Variants in WDR49 observed in about 807,000 individuals in gnomAD.
The protein encoded by WDR49 is WD repeat domain 49, also known as cilia- and flagella-associated protein 337.
A neutral mutation model predicts 119.5 loss-of-function variants in WDR49; 107 were observed. The observed-to-expected ratio is 0.90, with a 90% CI of 0.77 to 1.05. The LOEUF (loss-of-function observed/expected upper bound fraction) is 1.05. WDR49 is among the 50% of genes least tolerant of loss of function. The pLI is 0.00. For synonymous variants in WDR49, 425 were observed against 418.8 expected, an observed-to-expected ratio of 1.01 and a Z score of -0.18; for missense variants, 1,240 against 1,220.5, an observed-to-expected ratio of 1.02 and a Z score of -0.24.
intron 6 of WDR49, among the ~76,000 whole-genome samples, chr3:167,604,013 C>T (rs1302662562): frequency 6.6e-6 from 1 of 151,828 alleles, no homozygotes; most frequent in African/African-American, 2.4e-5. Context: ...AGATGCTGCA[C>T]AAACTGTCTT....
At chr3:167,538,641 A>T (rs1711611687) in intron 10 of WDR49, among the ~76,000 whole-genome samples, 1 of 152,076 alleles carries the variant, frequency 6.6e-6, no homozygotes, top group African/African-American at 2.4e-5. Context: ...TGTGGAAGTC[A>T]CTTTGTTCAT....
intron 17 of WDR49, among the ~76,000 whole-genome samples, chr3:167,505,045 CA>C (rs1359581980): frequency 1.3e-5 from 2 of 152,192 alleles, no homozygotes; most frequent in African/African-American, 4.8e-5. Flanking sequence ...CAGTTTCTGG[CA>C]TTTTTTTATA....
chr3:167,561,271 G>A (rs769256765), intron 8 of WDR49, among the ~76,000 whole-genome samples: 4 of 151,954 alleles, frequency 2.6e-5, no homozygotes, highest in Admixed American at 2.6e-4. Context: ...GCTCCATAAC[G>A]GCAATGGAAC....
At chr3:167,602,070 T>G in intron 7 of WDR49, 57 bp downstream of exon 7, 8 of 1,507,156 alleles carry the variant, frequency 5.3e-6, no homozygotes, top group East Asian at 2.3e-5. Context: ...CCAGAGTTGA[T>G]TTGGGTAGGA....
chr3:167,605,793 A>G (rs908245113), intron 5 of WDR49, among the ~76,000 whole-genome samples: 1 of 152,236 alleles, frequency 6.6e-6, no homozygotes, highest in Non-Finnish European at 1.5e-5. Context: ...TCTCATAGGT[A>G]AAGAAATAGG....
intron 18 of WDR49, among the ~76,000 whole-genome samples, chr3:167,493,352 AG>A (rs1751225878): frequency 6.6e-6 from 1 of 152,192 alleles, no homozygotes; most frequent in Non-Finnish European, 1.5e-5. Context: ...GGCAAGCAAG[AG>A]GCCAACTGTG....
intron 18 of WDR49, among the ~76,000 whole-genome samples, chr3:167,487,226 G>A (rs147161711): frequency 4.8e-4 from 73 of 151,924 alleles, no homozygotes; most frequent in African/African-American, 1.6e-3. Flanking sequence ...ATAAAGCTGT[G>A]TACCTACAAC....
intron 3 of WDR49, among the ~76,000 whole-genome samples, chr3:167,624,053 A>G (rs560681695): frequency 3.3e-5 from 5 of 151,982 alleles, no homozygotes; most frequent in Non-Finnish European, 5.9e-5. Context: ...TAACAATCCT[A>G]ATAAAAAATG....
intron 2 of WDR49, among the ~76,000 whole-genome samples, chr3:167,635,720 A>G (rs568723063): frequency 6.6e-6 from 1 of 151,740 alleles, no homozygotes; most frequent in East Asian, 1.9e-4. Flanking sequence ...CCCTTAAGTC[A>G]TTGGTGAGTA....
chr3:167,649,101 A>G (rs1718259071), intron 2 of WDR49, among the ~76,000 whole-genome samples: 1 of 152,068 alleles, frequency 6.6e-6, no homozygotes, highest in Non-Finnish European at 1.5e-5. Context: ...AAAATGAGTA[A>G]TTTTATTTAT....
chr3:167,617,414 C>T (rs1321117859), intron 5 of WDR49, among the ~76,000 whole-genome samples: 1 of 152,150 alleles, frequency 6.6e-6, no homozygotes, highest in East Asian at 1.9e-4. Context: ...GTAATCCCAG[C>T]TATTCGGGAG....
intron 18 of WDR49, among the ~76,000 whole-genome samples, chr3:167,483,459 G>A (rs910909798): frequency 2.6e-5 from 4 of 152,086 alleles, no homozygotes; most frequent in African/African-American, 7.2e-5. Context: ...TAAGAGAGAC[G>A]AACTCACTTG....
chr3:167,585,647 T>C (rs1398744783), intron 7 of WDR49, among the ~76,000 whole-genome samples: 1 of 152,030 alleles, frequency 6.6e-6, no homozygotes, highest in Non-Finnish European at 1.5e-5. Context: ...TGATACCATT[T>C]ACATAAAAAC....
chr3:167,630,104 A>G (rs983646484), intron 2 of WDR49, among the ~76,000 whole-genome samples: 2 of 152,122 alleles, frequency 1.3e-5, no homozygotes. Context: ...AATAGATCTC[A>G]TGCTACAGAG....
intron 2 of WDR49, among the ~76,000 whole-genome samples, chr3:167,652,946 C>T (rs1718458867): frequency 6.6e-6 from 1 of 152,114 alleles, no homozygotes; most frequent in Non-Finnish European, 1.5e-5. Flanking sequence ...TCACTCACAG[C>T]CATAATTTTT....
intron 5 of WDR49, among the ~76,000 whole-genome samples, chr3:167,606,606 C>T (rs1311766217): frequency 1.3e-5 from 2 of 152,140 alleles, no homozygotes; most frequent in African/African-American, 4.8e-5. Flanking sequence ...AAGGAGAGAA[C>T]AGGATACAAA....
chr3:167,504,402 C>T (rs183233676), intron 17 of WDR49, among the ~76,000 whole-genome samples: 9 of 152,318 alleles, frequency 5.9e-5, no homozygotes, highest in South Asian at 4.1e-4. Flanking sequence ...AGCTTTAAGA[C>T]GTAATGACTG....
chr3:167,626,766 G>A, intron 3 of WDR49, 86 bp downstream of exon 3: 1 of 1,096,144 alleles, frequency 9.1e-7, no homozygotes, highest in East Asian at 3.2e-5. Flanking sequence ...GAGTAATGCA[G>A]CTTTCTGTTA....
intron 17 of WDR49, among the ~76,000 whole-genome samples, chr3:167,501,033 C>A (rs940384902): frequency 1.4e-4 from 21 of 152,222 alleles, no homozygotes; most frequent in African/African-American, 4.3e-4. Context: ...TTTCAAACTA[C>A]AACAGGCATC....
Sources: allele counts gnomAD v4.1 joint callset (sites outside exome capture counted in the v4.1 genomes callset), GRCh38; gene constraint gnomAD v4.1.1; transcripts MANE v1.5; gene names NCBI Gene and HGNC (gene_info 2026-07-23, HGNC 2026-07-21).